The following SERPINB9 variants were observed in gnomAD, a reference collection of about 807,000 sequenced individuals.
SERPINB9 encodes serpin family B member 9, also known as serpin B9.
A neutral mutation model predicts 27.2 loss-of-function variants in SERPINB9; 20 were observed. That is an observed-to-expected ratio of 0.74 (90% CI 0.52 to 1.07). The LOEUF is 1.07. SERPINB9 is among the 50% of genes least tolerant of loss of function. SERPINB9 has a pLI of 0.00. For synonymous variants in SERPINB9, 189 were observed against 180.0 expected, an observed-to-expected ratio of 1.05 and a Z score of -0.40; for missense variants, 476 against 460.1, an observed-to-expected ratio of 1.03 and a Z score of -0.32.
chr6:2,901,795 T>C (rs1768212939), intron 1 of SERPINB9, among the ~76,000 whole-genome samples: 1 of 151,802 alleles, frequency 6.6e-6, no homozygotes, highest in Non-Finnish European at 1.5e-5. Context: ...CTGTGCCTGG[T>C]CTAATGCCCA....
chr6:2,902,560 G>T (rs910799126), intron 1 of SERPINB9, among the ~76,000 whole-genome samples: 4 of 152,150 alleles, frequency 2.6e-5, no homozygotes, highest in Non-Finnish European at 4.4e-5. Flanking sequence ...CACTCTGTCT[G>T]CCAGGCTGGA....
intron 2 of SERPINB9, among the ~76,000 whole-genome samples, chr6:2,898,810 T>C (rs1768092988): frequency 6.7e-6 from 1 of 149,928 alleles, no homozygotes; most frequent in African/African-American, 2.5e-5. Flanking sequence ...CAAGACTCTG[T>C]CTCGAAAAAA....
chr6:2,901,606 C>A (rs1438392395), intron 1 of SERPINB9, among the ~76,000 whole-genome samples: 1 of 152,096 alleles, frequency 6.6e-6, no homozygotes, highest in East Asian at 1.9e-4. Flanking sequence ...TGGCCACAGG[C>A]CTGAAACCAA....
At chr6:2,900,885 T>TCTCTCTCTCACACACACACACACACA (rs61100591) in intron 1 of SERPINB9, among the ~76,000 whole-genome samples, 191 of 141,550 alleles carry the variant, frequency 1.3e-3, no homozygotes, top group African/African-American at 5.0e-3. Context: ...GCTCGCTCTC[T>TCTCTCTCTCACACACACACACACACA]CACACACACA....
In SERPINB9 at chr6:2,889,588, G is replaced by C. The variant is rs558761123; in HGVS notation, c.*575C>G. 1 of 151,436 alleles carries C rather than the reference G, an allele frequency of 6.6e-6. No individual in the cohort carries two copies. Among genetic ancestry groups the C allele is most frequent in the Non-Finnish European group, 1.5e-5 (1 of 67,896 alleles). 9.4% of individuals were successfully genotyped at this position (151,436 alleles called of 1,614,324 possible). On this transcript the variant is annotated 3_prime_UTR_variant, in exon 7 of 7. Transcript: ENST00000380698. ...CGGGCGCCTGTAGTCCCAGCTACTC[G>C]GGAGGCTGAGGCAGGAGAATGGCGT...
rs1183898251 is a variant in SERPINB9, at chr6:2,890,155, T to C, written c.*8A>G. On this transcript the variant is annotated 3_prime_UTR_variant, in exon 7 of 7. Coordinates refer to ENST00000380698, the MANE Select transcript of SERPINB9 (RefSeq NM_004155.6). The surrounding 1 kb of genome is among the most constrained non-coding windows in gnomAD (Gnocchi z 6.2). ...GGGAAATGGCCGAGTGCACGGTAAG[T>C]GCACCCTTTATGGCGATGAGAACCT... 1.9e-6 allele frequency: 3 copies of C among 1,608,298 alleles called. No homozygotes were observed. Among genetic ancestry groups the C allele is most frequent in the Non-Finnish European group, 2.6e-6 (3 of 1,176,006 alleles).
At chr6:2,892,323 T>G (rs1006175723) in intron 5 of SERPINB9, among the ~76,000 whole-genome samples, 8 of 152,080 alleles carry the variant, frequency 5.3e-5, no homozygotes, top group African/African-American at 1.9e-4. Flanking sequence ...TACAAATTTG[T>G]TTTGATTTAA....
rs1049826662 is a variant in SERPINB9 at position 2,889,533 on chromosome 6, A to G, written c.*630T>C. The G allele has an allele frequency of 1.3e-5, 2 of 149,736 alleles. No homozygotes were observed. The highest frequency in any genetic ancestry group is 2.9e-5 in the Non-Finnish European group (2 of 67,946). The allele number at this position is 149,736 out of a possible 1,614,324, so 9.3% of individuals were successfully genotyped here. A position where few individuals can be genotyped will look rare whatever the true frequency, so the allele number is the denominator to read the frequency against. On this transcript the variant is annotated 3_prime_UTR_variant, in exon 7 of 7. Transcript: ENST00000380698. ...ACACGGTGAAACCCCGTCTCTACTA[A>G]AAATACAAAAAATTAGCCGGGCGTG...
rs541447783 is a variant in SERPINB9, at chr6:2,894,588, A to G, written c.424+803T>C. Among the ~76,000 whole-genome samples, 80 of 152,274 alleles carry G rather than the reference A, an allele frequency of 5.3e-4. No individual in the cohort carries two copies. Among genetic ancestry groups the G allele is most frequent in the Non-Finnish European group, 9.4e-4 (64 of 68,014 alleles). ...GGTAATGGTGATGGAGGTCCCCCAG[A>G]ACCTAGGAAGAGGCAGCCCAAGTGT... On this transcript the variant is annotated intron_variant, in intron 4 of 6. Coordinates refer to ENST00000380698, the MANE Select transcript of SERPINB9 (RefSeq NM_004155.6). The surrounding 1 kb of genome is among the most constrained non-coding windows in gnomAD (Gnocchi z 4.7).
intron 3 of SERPINB9, 43 bp from the exon 4 acceptor site, chr6:2,895,551 C>T: frequency 8.1e-7 from 1 of 1,227,094 alleles, no homozygotes; most frequent in Non-Finnish European, 1.2e-6. Flanking sequence ...TTGCTAAATA[C>T]AAATGTCAGC....
intron 2 of SERPINB9, among the ~76,000 whole-genome samples, chr6:2,897,302 C>T (rs1768033815): frequency 6.6e-6 from 1 of 152,050 alleles, no homozygotes; most frequent in Non-Finnish European, 1.5e-5. Context: ...CCTGTCTCTA[C>T]TAAAAATACG....
intron 2 of SERPINB9, 114 bp downstream of exon 2, chr6:2,900,330 C>T: frequency 3.8e-6 from 5 of 1,330,774 alleles, no homozygotes; most frequent in Non-Finnish European, 4.2e-6. Context: ...CCAGTGCACA[C>T]TCGGGCCCCA....
At chr6:2,898,254 T>C (rs1768068707) in intron 2 of SERPINB9, among the ~76,000 whole-genome samples, 2 of 152,102 alleles carry the variant, frequency 1.3e-5, no homozygotes, top group Admixed American at 1.3e-4. Context: ...CAATACACAC[T>C]GTTCTATAAC....
At chr6:2,895,323 G>A (rs1202701906) in intron 4 of SERPINB9, 68 bp downstream of exon 4, 3 of 988,232 alleles carry the variant, frequency 3.0e-6, no homozygotes, top group Non-Finnish European at 4.8e-6. Flanking sequence ...GAGGCGGGAA[G>A]GAGGAATAGG....
chr6:2,897,286 C>A (rs150466458), intron 2 of SERPINB9, among the ~76,000 whole-genome samples: 1 of 151,964 alleles, frequency 6.6e-6, no homozygotes, highest in South Asian at 2.1e-4. Context: ...GCCAAGATGG[C>A]GAAATCCTGT....
chr6:2,891,922 C>A lies in SERPINB9; in HGVS notation c.634G>T (p.Val212Leu), dbSNP rs759692562. The A allele has an allele frequency of 3.7e-6, 6 of 1,613,338 alleles. No individual in the cohort carries two copies. The highest frequency in any genetic ancestry group is 1.3e-5 in the African/African-American group (1 of 74,930). Residue 212 changes from valine to leucine, a missense_variant, in exon 6 of 7, where the codon GTG (valine) becomes TTG (leucine). Physicochemically the swap from Val to Leu is conservative, Grantham distance 32. Transcript: ENST00000380698. The surrounding 1 kb of genome is among the most constrained non-coding windows in gnomAD (Gnocchi z 4.0). Reference sequence around the variant, plus strand: ...GGCAGCTCCAGCAGCTGCGCGCGCACCTCGCCCACGTGGGCGAGCTTAAAC... The same window carrying A: ...GGCAGCTCCAGCAGCTGCGCGCGCAACTCGCCCACGTGGGCGAGCTTAAAC... ...ATFKLAHVGE[V>L]RAQLLELPYA...
At position 2,891,296 on chromosome 6, in the gene SERPINB9, T is replaced by C. The variant is rs148598430; in HGVS notation, c.723+537A>G. ...CTCCCTGGATGCCCCCTCCCAGCCT[T>C]GTTAGGTCAAAGTTAAGACTTCCTC... On this transcript the variant is annotated intron_variant, in intron 6 of 6. Transcript: ENST00000380698. The surrounding 1 kb of genome is among the most constrained non-coding windows in gnomAD (Gnocchi z 4.0). Among the ~76,000 whole-genome samples, 318 of 152,242 alleles carry C rather than the reference T, an allele frequency of 2.1e-3. 2 individuals are homozygous for C. The highest frequency in any genetic ancestry group is 2.6e-3 in the Non-Finnish European group (174 of 68,004).
In SERPINB9 at chr6:2,890,061, C is replaced by G; in HGVS notation, c.*102G>C. ...GGCAGACAGGTAAAGAATCTGCCCT[C>G]ATCTTTGCACTTGGCTTTCTAGGCC... On this transcript the variant is annotated 3_prime_UTR_variant, in exon 7 of 7. Coordinates refer to ENST00000380698, the MANE Select transcript of SERPINB9 (RefSeq NM_004155.6). This position sits in a 1 kb window ranked among gnomAD's most constrained non-coding sequence, Gnocchi z 6.2. 5 of 1,181,382 alleles carry G rather than the reference C, an allele frequency of 4.2e-6. No individual in the cohort carries two copies. The highest frequency in any genetic ancestry group is 5.9e-6 in the Non-Finnish European group (5 of 843,152). 73.2% of individuals were successfully genotyped at this position (1,181,382 alleles called of 1,614,324 possible). A position where few individuals can be genotyped will look rare whatever the true frequency, so the allele number is the denominator to read the frequency against.
In SERPINB9 at chr6:2,900,412, A is replaced by G. The variant is rs374932757; in HGVS notation, c.168+32T>C. Reference sequence around the variant, plus strand: ...GGTGACAGAACACGCAGCCCAGGCCAGTCCCTGCTCCTGGCGGACGGGCAA... The same window carrying G: ...GGTGACAGAACACGCAGCCCAGGCCGGTCCCTGCTCCTGGCGGACGGGCAA... On this transcript the variant is annotated intron_variant, in intron 2 of 6. Transcript: ENST00000380698. The G allele has an allele frequency of 2.8e-5, 45 of 1,610,558 alleles. No individual in the cohort carries two copies. The African/African-American group carries it at 5.9e-4, about 21-fold the overall frequency.
Sources: allele counts gnomAD v4.1 joint callset (sites outside exome capture counted in the v4.1 genomes callset), GRCh38; gene constraint gnomAD v4.1.1; non-coding constraint Gnocchi (gnomAD v3.1); transcripts MANE v1.5; gene names NCBI Gene and HGNC (gene_info 2026-07-23, HGNC 2026-07-21).